The following APBA1 variants were observed in gnomAD, a reference collection of about 807,000 sequenced individuals.
APBA1 encodes the protein amyloid-beta A4 precursor protein-binding family A member 1.
APBA1 carries 55 observed loss-of-function variants against 86.6 expected under a neutral mutation model. That is an observed-to-expected ratio of 0.64 (90% CI 0.51 to 0.80). The LOEUF is 0.80. APBA1 is among the 30% of genes least tolerant of loss of function. The pLI, the probability that APBA1 is intolerant of heterozygous loss-of-function variation, is 0.00. For synonymous variants in APBA1, 511 were observed against 493.9 expected (o/e 1.03, Z -0.46); for missense variants, 1,090 against 1,183.0 (o/e 0.92, Z 1.15).
At chr9:69,433,212 C>A (rs905528051) in intron 11 of APBA1, among the ~76,000 whole-genome samples, 3 of 152,218 alleles carry the variant, frequency 2.0e-5, no homozygotes, top group African/African-American at 7.2e-5. Flanking sequence ...TGTTCAAACT[C>A]CCTTCCCACA....
intron 1 of APBA1, among the ~76,000 whole-genome samples, chr9:69,561,577 G>A (rs2133938697): frequency 6.6e-6 from 1 of 151,876 alleles, no homozygotes; most frequent in South Asian, 2.1e-4. Context: ...AGTCCTGACT[G>A]TAGTTGATTT....
chr9:69,530,327 TATAC>T (rs1384303940), intron 1 of APBA1, among the ~76,000 whole-genome samples: 8 of 127,518 alleles, frequency 6.3e-5, no homozygotes, highest in South Asian at 2.5e-4. Flanking sequence ...TATATATATA[TATAC>T]ACACACACAC....
At chr9:69,492,640 G>A (rs911494111) in intron 2 of APBA1, among the ~76,000 whole-genome samples, 3 of 152,028 alleles carry the variant, frequency 2.0e-5, no homozygotes, top group African/African-American at 7.2e-5. Flanking sequence ...ACTATCTCCC[G>A]ACCAAGACAG....
At chr9:69,506,408 G>A (rs1835967151) in intron 2 of APBA1, among the ~76,000 whole-genome samples, 1 of 122,966 alleles carries the variant, frequency 8.1e-6, no homozygotes, top group Admixed American at 8.4e-5. Context: ...ACCTGGCTCA[G>A]AGGGTCCTAC....
intron 1 of APBA1, among the ~76,000 whole-genome samples, chr9:69,582,041 T>C (rs1821921468): frequency 6.6e-6 from 1 of 152,194 alleles, no homozygotes; most frequent in African/African-American, 2.4e-5. Flanking sequence ...GTGTTGATTC[T>C]TCCAAAAGGT....
intron 1 of APBA1, among the ~76,000 whole-genome samples, chr9:69,575,614 C>A (rs1286643193): frequency 6.6e-6 from 1 of 152,160 alleles, no homozygotes; most frequent in African/African-American, 2.4e-5. Flanking sequence ...GGAAAGAATT[C>A]CCTATTTAAT....
intron 1 of APBA1, among the ~76,000 whole-genome samples, chr9:69,558,934 A>G (rs1350555508): frequency 1.3e-5 from 2 of 152,226 alleles, no homozygotes; most frequent in Non-Finnish European, 2.9e-5. Flanking sequence ...AAAGGATCTT[A>G]GAAGGCTTTA....
intron 5 of APBA1, chr9:69,462,509 A>G (rs1024873028): frequency 6.6e-6 from 1 of 152,264 alleles, no homozygotes; most frequent in Non-Finnish European, 1.5e-5. Flanking sequence ...AATACTACCA[A>G]TGACAGGTAT....
intron 2 of APBA1, among the ~76,000 whole-genome samples, chr9:69,513,322 C>T (rs1261897634): frequency 1.3e-5 from 2 of 152,228 alleles, no homozygotes; most frequent in African/African-American, 4.8e-5. Flanking sequence ...ACTGTGGGCT[C>T]ACTGTGAGGC....
At chr9:69,444,840 G>T (rs1312586892) in intron 10 of APBA1, among the ~76,000 whole-genome samples, 1 of 152,144 alleles carries the variant, frequency 6.6e-6, no homozygotes, top group Non-Finnish European at 1.5e-5. Context: ...GAGATTCAGG[G>T]AAGCGCACCC....
At chr9:69,522,068 T>TACACAC (rs9314700) in intron 1 of APBA1, among the ~76,000 whole-genome samples, 47,032 of 149,352 alleles carry the variant, frequency 0.31, 7,886 homozygotes, top group East Asian at 0.43. Context: ...CACCATTTTA[T>TACACAC]ACACACACAC....
At chr9:69,663,608 A>T (rs1434289233) in intron 1 of APBA1, among the ~76,000 whole-genome samples, 1 of 152,268 alleles carries the variant, frequency 6.6e-6, no homozygotes, top group Non-Finnish European at 1.5e-5. Context: ...AAAATTTATC[A>T]ATAGTCAGAA....
intron 1 of APBA1, among the ~76,000 whole-genome samples, chr9:69,626,194 T>A (rs1392263360): frequency 6.6e-6 from 1 of 152,192 alleles, no homozygotes; most frequent in Non-Finnish European, 1.5e-5. Context: ...GTGATAGATG[T>A]GGCTATGCTG....
intron 1 of APBA1, among the ~76,000 whole-genome samples, chr9:69,576,371 A>G (rs1165973482): frequency 6.6e-6 from 1 of 152,204 alleles, no homozygotes; most frequent in East Asian, 1.9e-4. Flanking sequence ...ATACTAAAGG[A>G]TTACAAAACA....
intron 1 of APBA1, among the ~76,000 whole-genome samples, chr9:69,625,472 C>T (rs1822908902): frequency 6.6e-6 from 1 of 152,128 alleles, no homozygotes; most frequent in Non-Finnish European, 1.5e-5. Flanking sequence ...ATTGCAGCAT[C>T]CCTTGTCCCT....
chr9:69,496,354 C>T (rs1258916941), intron 2 of APBA1, among the ~76,000 whole-genome samples: 2 of 152,028 alleles, frequency 1.3e-5, no homozygotes, highest in Non-Finnish European at 2.9e-5. Flanking sequence ...TGTGAGCCTA[C>T]CTGATTGGCT....
intron 1 of APBA1, among the ~76,000 whole-genome samples, chr9:69,606,014 G>A (rs964497329): frequency 7.9e-5 from 12 of 152,226 alleles, no homozygotes; most frequent in Admixed American, 7.2e-4. Context: ...CCTGAAGGAA[G>A]AATATAGGCA....
chr9:69,542,454 C>T (rs1007910454), intron 1 of APBA1, among the ~76,000 whole-genome samples: 7 of 152,166 alleles, frequency 4.6e-5, no homozygotes, highest in African/African-American at 1.7e-4. Flanking sequence ...GCCTTGAGCG[C>T]TCATTTCTTT....
chr9:69,454,771 G>A (rs1350829271), intron 8 of APBA1, among the ~76,000 whole-genome samples: 2 of 152,064 alleles, frequency 1.3e-5, no homozygotes, highest in African/African-American at 4.8e-5. Flanking sequence ...AGGGATCCTC[G>A]ATCCCTGTAA....
Sources: allele counts gnomAD v4.1 joint callset (sites outside exome capture counted in the v4.1 genomes callset), GRCh38; gene constraint gnomAD v4.1.1; transcripts MANE v1.5; gene names NCBI Gene and HGNC (gene_info 2026-07-23, HGNC 2026-07-21).